The following SOX7 variants were observed in gnomAD, a reference collection of about 807,000 sequenced individuals.
SOX7 encodes the protein SRY-box transcription factor 7, also known as transcription factor SOX-7.
A neutral mutation model predicts 24.9 loss-of-function variants in SOX7; 19 were observed. The observed-to-expected ratio is 0.76, with a 90% CI of 0.53 to 1.12. The LOEUF is 1.12. Ranked by LOEUF, SOX7 falls within the 50% of genes most tolerant of loss-of-function variation. The probability of loss-of-function intolerance (pLI) is 0.00; values close to 1 mark genes in which losing one functional copy is unlikely to be tolerated. For synonymous variants in SOX7, 327 were observed against 244.5 expected (o/e 1.34, Z -3.15); for missense variants, 702 against 535.0 (o/e 1.31, Z -3.08).
Position 10,730,326 on chromosome 8 carries a change from CG to C in SOX7, c.107del (p.Pro36ArgfsTer14), listed in dbSNP as rs1800236546. 16 of 1,567,858 alleles carry C rather than the reference CG, an allele frequency of 1.0e-5. No homozygotes were observed. Among genetic ancestry groups the C allele is most frequent in the Admixed American group, 3.9e-5 (2 of 51,822 alleles). On this transcript the variant is annotated frameshift_variant, in exon 1 of 2. Transcript: ENST00000304501. LOFTEE classifies it high-confidence loss of function. This position sits in a 1 kb window ranked among gnomAD's most constrained non-coding sequence, Gnocchi z 4.8. Reference protein sequence around the residue: ...GQSPPAVPRPPGDKGSESRIR... With the variant: ...GQSPPAVPRPXGDKGSESRIR... Reference sequence around the variant, plus strand: ...TACGGCTCTCGGAGCCCTTGTCCCCCGGGGGCCGGGGGACGGCCGGCGGCGA... The same window carrying C: ...TACGGCTCTCGGAGCCCTTGTCCCCCGGGGCCGGGGGACGGCCGGCGGCGA...
chr8:10,726,407 G>C lies in SOX7; in HGVS notation c.498C>G (p.Ser166=). ...LGEKEDRGEY[S]PGTALPSLRG... ...GGAGGCTGGGCAGGGCAGTGCCGGG[G>C]GAGTACTCACCCCTGTCCTCCTTCT... is the stretch of plus-strand genomic sequence containing the variant. Residue 166 remains serine, a synonymous_variant, in exon 2 of 2, where the codon TCC becomes TCG. Coordinates refer to ENST00000304501, the MANE Select transcript of SOX7 (RefSeq NM_031439.4). 1 of 1,612,250 alleles carries C rather than the reference G, an allele frequency of 6.2e-7. No homozygotes were observed. The highest frequency in any genetic ancestry group is 8.5e-7 in the Non-Finnish European group (1 of 1,179,406).
chr8:10,730,462 T>C lies in SOX7; in HGVS notation c.-29A>G. 1 of 1,413,086 alleles carries C rather than the reference T, an allele frequency of 7.1e-7. No individual in the cohort carries two copies. Among genetic ancestry groups the C allele is most frequent in the Non-Finnish European group, 9.2e-7 (1 of 1,084,924 alleles). 87.5% of individuals were successfully genotyped at this position (1,413,086 alleles called of 1,614,324 possible). A position where few individuals can be genotyped will look rare whatever the true frequency, so the allele number is the denominator to read the frequency against. On this transcript the variant is annotated 5_prime_UTR_variant, in exon 1 of 2. Transcript: ENST00000304501. The surrounding 1 kb of genome is among the most constrained non-coding windows in gnomAD (Gnocchi z 4.8). The stretch of plus-strand genomic sequence containing the variant: ...CGCACGCGGGTCGCCTCGCTTCGCC[T>C]GGCGGGGCAGGCGCGGACCTGGCCC...
rs898509524 is a variant in SOX7 at position 10,724,121 on chromosome 8, T to A, written c.*1617A>T. ...TATAAAACATATTTCATACAGGAAA[T>A]AATATGCTAAAATCAAAAAACCAAC... On this transcript the variant is annotated 3_prime_UTR_variant, in exon 2 of 2. Coordinates refer to ENST00000304501, the MANE Select transcript of SOX7 (RefSeq NM_031439.4). 2.6e-5 allele frequency: 4 copies of A among 152,048 alleles called. No individual in the cohort carries two copies. The East Asian group carries it at 7.7e-4, about 29-fold the overall frequency. The allele number at this position is 152,048 out of a possible 1,614,324, so 9.4% of individuals were successfully genotyped here.
In SOX7 at chr8:10,726,605, C is replaced by A; in HGVS notation, c.300G>T (p.Arg100=). The change falls in exon 2 of 2, where the codon CGG becomes CGT. Residue 100 remains arginine, a synonymous_variant. Transcript: ENST00000304501. ...QKRPYVDEAE[R]LRLQHMQDYP... Reference sequence around the variant, plus strand: ...AGTCCTGCATGTGCTGCAGGCGCAGCCGCTCCGCCTCGTCCACGTACGGCC... The same window carrying A: ...AGTCCTGCATGTGCTGCAGGCGCAGACGCTCCGCCTCGTCCACGTACGGCC... 6.2e-7 allele frequency: 1 copy of A among 1,608,016 alleles called. No homozygotes were observed. Among genetic ancestry groups the A allele is most frequent in the Non-Finnish European group, 8.5e-7 (1 of 1,179,478 alleles).
chr8:10,725,857 C>G lies in SOX7; in HGVS notation c.1048G>C (p.Ala350Pro). The change falls in exon 2 of 2, where the codon GCC becomes CCC. Residue 350 changes from alanine (A) to proline (P), a missense_variant. Coordinates refer to ENST00000304501, the MANE Select transcript of SOX7 (RefSeq NM_031439.4). ...GAGACCGGAACATGCCCACTGAGGG[C>G]CATGGCCCCTGTGGCGGAGTCTGGG... ...GHPDSATGAM[A>P]LSGHVPVSQV... 6.2e-7 allele frequency: 1 copy of G among 1,614,210 alleles called. No individual in the cohort carries two copies.
Position 10,725,984 on chromosome 8 carries a change from A to T in SOX7, c.921T>A (p.Pro307=). 3 of 1,604,306 alleles carry T rather than the reference A, an allele frequency of 1.9e-6. No individual in the cohort carries two copies. Among genetic ancestry groups the T allele is most frequent in the Non-Finnish European group, 2.6e-6 (3 of 1,173,940 alleles). ...CCAGGGCGTCGAAGCCAGGGTGCTCAGGAGGCGGGGAAAGCTGGCCCAGGT... is the reference window on the plus strand; with the variant it reads ...CCAGGGCGTCGAAGCCAGGGTGCTCTGGAGGCGGGGAAAGCTGGCCCAGGT... The part of the protein sequence containing the change: ...QAHLGQLSPP[P]EHPGFDALDQ... Residue 307 remains proline, a synonymous_variant, in exon 2 of 2, where the codon CCT becomes CCA. Transcript: ENST00000304501.
At chr8:10,728,006 G>A (rs1372779057) in intron 1 of SOX7, among the ~76,000 whole-genome samples, 2 of 152,178 alleles carry the variant, frequency 1.3e-5, no homozygotes, top group African/African-American at 4.8e-5. Context: ...GAAATTCCAT[G>A]GAGCTTTCAA....
chr8:10,727,045 C>T (rs1202720486), intron 1 of SOX7, among the ~76,000 whole-genome samples: 1 of 152,182 alleles, frequency 6.6e-6, no homozygotes, highest in African/African-American at 2.4e-5. Context: ...TCTTTTTACC[C>T]TTCCAGGGTC....
chr8:10,730,418 C>G lies in SOX7; in HGVS notation c.16G>C (p.Gly6Arg). The G allele has an allele frequency of 6.7e-7, 1 of 1,485,838 alleles. No individual in the cohort carries two copies. Among genetic ancestry groups the G allele is most frequent in the Non-Finnish European group, 8.9e-7 (1 of 1,124,500 alleles). 92.0% of individuals were successfully genotyped at this position (1,485,838 alleles called of 1,614,324 possible). A position where few individuals can be genotyped will look rare whatever the true frequency, so the allele number is the denominator to read the frequency against. The change falls in exon 1 of 2, where the codon GGA (glycine) becomes CGA (arginine). Residue 6 changes from glycine to arginine, a missense_variant. Gly to Arg is a moderately radical substitution (Grantham distance 125). Transcript: ENST00000304501. The surrounding 1 kb of genome is among the most constrained non-coding windows in gnomAD (Gnocchi z 4.8). ...AGACCCTCGGGCCAAGGGTAGGCTC[C>G]CAGCAGCGAAGCCATGGCCGCACGC... MASLL[G>R]AYPWPEGLEC... is the part of the protein sequence containing the mutation.
intron 1 of SOX7, among the ~76,000 whole-genome samples, chr8:10,728,614 G>A (rs879658574): frequency 1.3e-5 from 2 of 152,206 alleles, no homozygotes; most frequent in Admixed American, 6.5e-5. Flanking sequence ...AGGCCCCGAT[G>A]GGGACCAACT....
Position 10,730,095 on chromosome 8 carries a change from G to C in SOX7, c.238+101C>G, listed in dbSNP as rs1009260960. On this transcript the variant is annotated intron_variant, in intron 1 of 1. Coordinates refer to ENST00000304501, the MANE Select transcript of SOX7 (RefSeq NM_031439.4). The surrounding 1 kb of genome is among the most constrained non-coding windows in gnomAD (Gnocchi z 4.8). ...GAAGAGGGCCCTCGTCCCGCGTGCC[G>C]GGTCTTCCCCAGGCTCCGCGCTCGC... The C allele has an allele frequency of 2.3e-6, 2 of 857,828 alleles. No individual in the cohort carries two copies. The highest frequency in any genetic ancestry group is 3.1e-6 in the Non-Finnish European group (2 of 638,016). 53.1% of individuals were successfully genotyped at this position (857,828 alleles called of 1,614,324 possible). A position where few individuals can be genotyped will look rare whatever the true frequency, so the allele number is the denominator to read the frequency against.
chr8:10,727,219 T>G (rs970620075), intron 1 of SOX7, among the ~76,000 whole-genome samples: 3 of 152,182 alleles, frequency 2.0e-5, no homozygotes. Context: ...AATCAGAGAT[T>G]CTCACTTAGG....
intron 1 of SOX7, chr8:10,729,213 C>T (rs1800212728): frequency 6.6e-6 from 1 of 152,226 alleles, no homozygotes; most frequent in Admixed American, 6.5e-5. Context: ...GAGCCCTGAG[C>T]TCTGAACTCC....
Position 10,730,411 on chromosome 8 carries a change from T to C in SOX7, c.23A>G (p.Tyr8Cys). The change falls in exon 1 of 2, where the codon TAC becomes TGC. Residue 8 changes from tyrosine (Y) to cysteine (C), a missense_variant. Coordinates refer to ENST00000304501, the MANE Select transcript of SOX7 (RefSeq NM_031439.4). The surrounding 1 kb of genome is among the most constrained non-coding windows in gnomAD (Gnocchi z 4.8). ...GCACTCGAGACCCTCGGGCCAAGGG[T>C]AGGCTCCCAGCAGCGAAGCCATGGC... MASLLGAYPWPEGLECPA... is the reference protein window; with the variant it reads MASLLGACPWPEGLECPA... 6.7e-7 allele frequency: 1 copy of C among 1,495,844 alleles called. No individual in the cohort carries two copies. Among genetic ancestry groups the C allele is most frequent in the Non-Finnish European group, 8.9e-7 (1 of 1,129,278 alleles). The allele number at this position is 1,495,844 out of a possible 1,614,324, so 92.7% of individuals were successfully genotyped here. A position where few individuals can be genotyped will look rare whatever the true frequency, so the allele number is the denominator to read the frequency against.
At position 10,724,474 on chromosome 8, in the gene SOX7, C is replaced by G. The variant is rs527262309; in HGVS notation, c.*1264G>C. 1 of 152,318 alleles carries G rather than the reference C, an allele frequency of 6.6e-6. No individual in the cohort carries two copies. Among genetic ancestry groups the G allele is most frequent in the Non-Finnish European group, 1.5e-5 (1 of 68,114 alleles). The allele number at this position is 152,318 out of a possible 1,614,324, so 9.4% of individuals were successfully genotyped here. Reference sequence around the variant, plus strand: ...GAAAAGAGAGTAAGGAAGCTGGAGACAGCCGGGAAGGAAGCACCTTTTGAA... The same window carrying G: ...GAAAAGAGAGTAAGGAAGCTGGAGAGAGCCGGGAAGGAAGCACCTTTTGAA... On this transcript the variant is annotated 3_prime_UTR_variant, in exon 2 of 2. Transcript: ENST00000304501.
intron 1 of SOX7, among the ~76,000 whole-genome samples, chr8:10,728,569 G>A (rs139119587): frequency 1.8e-3 from 271 of 152,342 alleles, no homozygotes; most frequent in African/African-American, 5.7e-3. Context: ...TGTCTTTTCT[G>A]CAGAATGAAC....
chr8:10,723,957 AT>A lies in SOX7; in HGVS notation c.*1780del, dbSNP rs1800094458. On this transcript the variant is annotated 3_prime_UTR_variant, in exon 2 of 2. Coordinates refer to ENST00000304501, the MANE Select transcript of SOX7 (RefSeq NM_031439.4). ...TCAATCATATCATCAACAATTTACT[AT>A]TTATTACCAAATGGCATATAAAGTA... 6.6e-6 allele frequency: 1 copy of A among 152,612 alleles called. No individual in the cohort carries two copies. The highest frequency in any genetic ancestry group is 1.5e-5 in the Non-Finnish European group (1 of 68,034). 9.5% of individuals were successfully genotyped at this position (152,612 alleles called of 1,614,324 possible).
rs774386704 is a variant in SOX7 at position 10,726,179 on chromosome 8, G to C, written c.726C>G (p.Tyr242Ter). 1 of 1,610,992 alleles carries C rather than the reference G, an allele frequency of 6.2e-7. No homozygotes were observed. Among genetic ancestry groups the C allele is most frequent in the East Asian group, 2.2e-5 (1 of 44,864 alleles). The change falls in exon 2 of 2, where the codon TAC becomes TAG. Residue 242 changes from tyrosine to a stop codon, truncating the protein, a stop_gained. Transcript: ENST00000304501. LOFTEE classifies it high-confidence loss of function. ...GAGGGCTTGGGGCGTACTCCGGTGA[G>C]TACGGGTGCCCTGGCAGGTGGGGGA... ...RRIPHLPGHP[Y>*]SPEYAPSPLH...
rs763769566 is a variant in SOX7 at position 10,726,660 on chromosome 8, G to A, written c.245C>T (p.Ser82Leu). ...NAELSKMLGKSWKALTLSQKR... is the reference protein window; with the variant it reads ...NAELSKMLGKLWKALTLSQKR... ...CTGGGACAGCGTCAGCGCCTTCCAC[G>A]ACTTTCCTGCTCACACAAGGCAGAG... The change falls in exon 2 of 2, where the codon TCG becomes TTG. Residue 82 changes from serine (S) to leucine (L), a missense_variant. Physicochemically the swap from Ser to Leu is moderately radical, Grantham distance 145. Transcript: ENST00000304501. 3.2e-6 allele frequency: 5 copies of A among 1,567,478 alleles called. No homozygotes were observed. Among genetic ancestry groups the A allele is most frequent in the Non-Finnish European group, 4.3e-6 (5 of 1,161,968 alleles).
Sources: gnomAD v4.1 joint callset for allele counts (sites outside exome capture counted in the v4.1 genomes callset) on GRCh38, gnomAD v4.1.1 for gene constraint, Gnocchi (gnomAD v3.1) non-coding constraint, MANE v1.5 for transcripts, NCBI Gene and HGNC (gene_info 2026-07-23, HGNC 2026-07-21) for gene names.